Variants in POU6F2 observed in about 807,000 individuals in gnomAD.
POU6F2 encodes the protein POU domain, class 6, transcription factor 2.
A neutral mutation model predicts 71.3 loss-of-function variants in POU6F2; 31 were observed. The observed-to-expected ratio is 0.43, with a 90% CI of 0.33 to 0.59. POU6F2 has a LOEUF of 0.59. Among genes scored for constraint, POU6F2 ranks in the 20% least tolerant of loss-of-function variants. POU6F2 has a pLI of 0.04. For synonymous variants in POU6F2, 347 were observed against 355.7 expected (o/e 0.98, Z 0.27); for missense variants, 783 against 856.8 (o/e 0.91, Z 1.07).
intron 6 of POU6F2, among the ~76,000 whole-genome samples, chr7:39,408,125 CT>C (rs1329628659): frequency 6.6e-6 from 1 of 152,202 alleles, no homozygotes; most frequent in Non-Finnish European, 1.5e-5. Context: ...GTTTTAATGT[CT>C]GTAACTCATA....
intron 2 of POU6F2, among the ~76,000 whole-genome samples, chr7:39,131,719 T>C (rs1475839492): frequency 6.6e-6 from 1 of 152,210 alleles, no homozygotes. Context: ...TGAGTTGGTA[T>C]TCAGGAAATT....
chr7:39,012,764 G>A (rs1303354344), intron 1 of POU6F2, among the ~76,000 whole-genome samples: 5 of 150,418 alleles, frequency 3.3e-5, no homozygotes, highest in Non-Finnish European at 7.5e-5. Context: ...TCAGCTGCAG[G>A]TCTGTTGGAA....
At chr7:39,352,813 T>G (rs923531546) in intron 5 of POU6F2, among the ~76,000 whole-genome samples, 1 of 152,122 alleles carries the variant, frequency 6.6e-6, no homozygotes, top group East Asian at 1.9e-4. Flanking sequence ...TATCACAAGG[T>G]GCTGAGGTTT....
intron 7 of POU6F2, among the ~76,000 whole-genome samples, chr7:39,437,696 T>C (rs1788283109): frequency 6.6e-6 from 1 of 152,164 alleles, no homozygotes; most frequent in Non-Finnish European, 1.5e-5. Context: ...GCCTCTCTAG[T>C]TCTTAATTGT....
chr7:39,395,480 G>A (rs1168257082), intron 5 of POU6F2, among the ~76,000 whole-genome samples: 1 of 152,144 alleles, frequency 6.6e-6, no homozygotes, highest in Admixed American at 6.5e-5. Flanking sequence ...AGCCTGATGA[G>A]GATCCCTTGT....
At chr7:39,280,732 TA>T (rs1284145657) in intron 4 of POU6F2, among the ~76,000 whole-genome samples, 1 of 152,204 alleles carries the variant, frequency 6.6e-6, no homozygotes, top group African/African-American at 2.4e-5. Flanking sequence ...AGATAATGCA[TA>T]AGATAATGCA....
At chr7:39,354,055 T>G (rs1356150615) in intron 5 of POU6F2, among the ~76,000 whole-genome samples, 2 of 152,220 alleles carry the variant, frequency 1.3e-5, no homozygotes, top group African/African-American at 4.8e-5. Flanking sequence ...GGAGGCTGAT[T>G]CCATTCATTT....
At chr7:39,453,247 T>G (rs191382341) in intron 8 of POU6F2, among the ~76,000 whole-genome samples, 1 of 152,324 alleles carries the variant, frequency 6.6e-6, no homozygotes, top group East Asian at 1.9e-4. Flanking sequence ...GAAACTCTAG[T>G]CTGACTTGCA....
intron 2 of POU6F2, among the ~76,000 whole-genome samples, chr7:39,174,436 G>A (rs984876831): frequency 2.0e-5 from 3 of 152,156 alleles, no homozygotes; most frequent in African/African-American, 7.2e-5. Flanking sequence ...ACTATAATTA[G>A]AGAACAGCCA....
chr7:39,089,643 C>A (rs945381586), intron 2 of POU6F2, among the ~76,000 whole-genome samples: 3 of 152,100 alleles, frequency 2.0e-5, no homozygotes, highest in Admixed American at 2.0e-4. Flanking sequence ...CACATTCAGT[C>A]AAGTTGGATG....
At chr7:39,431,495 G>A (rs923442695) in intron 6 of POU6F2, among the ~76,000 whole-genome samples, 2 of 152,216 alleles carry the variant, frequency 1.3e-5, no homozygotes, top group African/African-American at 4.8e-5. Flanking sequence ...TGTGTGGGTA[G>A]AAAGCAGTAT....
intron 4 of POU6F2, among the ~76,000 whole-genome samples, chr7:39,330,935 C>G (rs1785633654): frequency 6.6e-6 from 1 of 152,200 alleles, no homozygotes; most frequent in South Asian, 2.1e-4. Flanking sequence ...CCTCTCCTCC[C>G]CTGACCCTTC....
intron 6 of POU6F2, among the ~76,000 whole-genome samples, chr7:39,411,886 C>T (rs1390899553): frequency 6.6e-6 from 1 of 152,202 alleles, no homozygotes; most frequent in African/African-American, 2.4e-5. Flanking sequence ...CCACCAGCAT[C>T]ATAGATGGAC....
chr7:39,258,043 C>T (rs1487282561), intron 4 of POU6F2, among the ~76,000 whole-genome samples: 2 of 152,072 alleles, frequency 1.3e-5, no homozygotes, highest in Non-Finnish European at 2.9e-5. Flanking sequence ...CCTACAGATG[C>T]AAGATTACCT....
intron 4 of POU6F2, among the ~76,000 whole-genome samples, chr7:39,259,206 C>T (rs928503732): frequency 6.6e-6 from 1 of 152,104 alleles, no homozygotes; most frequent in African/African-American, 2.4e-5. Context: ...TAAACTTAAG[C>T]GGCAGCTGAT....
At chr7:39,155,931 C>T (rs978054880) in intron 2 of POU6F2, among the ~76,000 whole-genome samples, 8 of 152,148 alleles carry the variant, frequency 5.3e-5, no homozygotes, top group Admixed American at 2.0e-4. Context: ...GTTGAAGCCC[C>T]TGAGGATTCC....
In POU6F2 at chr7:39,030,500, CTATATATATA is replaced by C. The variant is rs58426134; in HGVS notation, c.105+52477_105+52486del. 8.0e-3 allele frequency among the ~76,000 whole-genome samples: 370 copies of C among 46,240 alleles called. 16 individuals carry two copies. The highest frequency in any genetic ancestry group is 0.05 in the Middle Eastern group (3 of 60). The allele number at this position is 46,240 out of a possible 152,430, so 30.3% of individuals were successfully genotyped here. ...TCCTGTATTGAACTTTCAAAAAATA[CTATATATATA>C]TATATATATATATATATATATATAT... On this transcript the variant is annotated intron_variant, in intron 1 of 9. Coordinates refer to ENST00000518318, the MANE Select transcript of POU6F2 (RefSeq NM_001370959.1).
At chr7:39,157,950 A>T (rs1310921507) in intron 2 of POU6F2, among the ~76,000 whole-genome samples, 1 of 152,220 alleles carries the variant, frequency 6.6e-6, no homozygotes, top group African/African-American at 2.4e-5. Context: ...GATGTTTAAT[A>T]TAGCAGACAA....
intron 4 of POU6F2, among the ~76,000 whole-genome samples, chr7:39,218,926 T>G (rs1366552974): frequency 6.6e-6 from 1 of 152,038 alleles, no homozygotes; most frequent in Non-Finnish European, 1.5e-5. Flanking sequence ...AACCAGTGAC[T>G]GAAGAAACCA....
Sources: allele counts gnomAD v4.1 joint callset (sites outside exome capture counted in the v4.1 genomes callset), GRCh38; gene constraint gnomAD v4.1.1; transcripts MANE v1.5; gene names NCBI Gene and HGNC (gene_info 2026-07-23, HGNC 2026-07-21).